Variants in DCC observed in about 807,000 individuals in gnomAD.
The protein encoded by DCC is DCC netrin 1 receptor.
A neutral mutation model predicts 172.5 loss-of-function variants in DCC; 58 were observed. The ratio of observed to expected loss-of-function variants is 0.34; its 90% CI spans 0.27 to 0.42. DCC has a LOEUF of 0.42. DCC is among the 10% of genes least tolerant of loss of function. The pLI, the probability that DCC is intolerant of heterozygous loss-of-function variation, is 1.00. For synonymous variants in DCC, 709 were observed against 644.5 expected (o/e 1.10, Z -1.52); for missense variants, 1,740 against 1,791.0 (o/e 0.97, Z 0.51).
At chr18:52,989,043 C>G (rs2041339574) in intron 5 of DCC, among the ~76,000 whole-genome samples, 1 of 151,794 alleles carries the variant, frequency 6.6e-6, no homozygotes, top group Non-Finnish European at 1.5e-5. Flanking sequence ...TATTTGAAAT[C>G]TCTTTAAATG....
At chr18:52,432,067 C>T (rs535270672) in intron 1 of DCC, among the ~76,000 whole-genome samples, 1 of 152,190 alleles carries the variant, frequency 6.6e-6, no homozygotes, top group African/African-American at 2.4e-5. Context: ...CCACTTTTAT[C>T]TTCTTTCCCT....
chr18:53,514,947 T>A (rs1009805331), intron 27 of DCC, among the ~76,000 whole-genome samples: 5 of 151,074 alleles, frequency 3.3e-5, no homozygotes, highest in African/African-American at 9.7e-5. Flanking sequence ...TAACTCATTT[T>A]ATGAGGCCAG....
chr18:53,414,709 G>T (rs867524269), intron 20 of DCC, among the ~76,000 whole-genome samples: 1 of 152,062 alleles, frequency 6.6e-6, no homozygotes, highest in Non-Finnish European at 1.5e-5. Context: ...TTAGCCAGGC[G>T]TGGTGGCACA....
intron 15 of DCC, among the ~76,000 whole-genome samples, chr18:53,347,226 A>C (rs1300631827): frequency 2.0e-5 from 3 of 152,122 alleles, no homozygotes; most frequent in Non-Finnish European, 4.4e-5. Context: ...CATACTGCAA[A>C]ATTTTCTTGG....
At chr18:52,943,119 T>C (rs1464283873) in intron 5 of DCC, among the ~76,000 whole-genome samples, 1 of 152,220 alleles carries the variant, frequency 6.6e-6, no homozygotes, top group Admixed American at 6.5e-5. Flanking sequence ...ATATAGTTTT[T>C]GTTTTAATTT....
intron 1 of DCC, among the ~76,000 whole-genome samples, chr18:52,656,036 G>GTGTGTATATATATGTATATA (rs1568277686): frequency 7.9e-5 from 11 of 139,200 alleles, no homozygotes; most frequent in African/African-American, 3.0e-4. Flanking sequence ...ATGTATATAT[G>GTGTGTATATATATGTATATA]TGTGTATATA....
At chr18:52,867,126 A>G (rs1159183482) in intron 2 of DCC, among the ~76,000 whole-genome samples, 1 of 152,142 alleles carries the variant, frequency 6.6e-6, no homozygotes, top group Non-Finnish European at 1.5e-5. Context: ...TTCAGCATCT[A>G]TTGAGATAAT....
At chr18:52,450,660 C>T (rs1269629849) in intron 1 of DCC, among the ~76,000 whole-genome samples, 2 of 152,132 alleles carry the variant, frequency 1.3e-5, no homozygotes, top group Non-Finnish European at 2.9e-5. Context: ...ATACAAGCCT[C>T]AGGAAGATAG....
chr18:52,600,015 T>G lies in DCC; in HGVS notation c.92-152039T>G, dbSNP rs548209129. Reference sequence around the variant, plus strand: ...ATTTATGTAATGGATAACAGTCATATTCTCAACCTTTTCAAATGAGTTTTG... The same window carrying G: ...ATTTATGTAATGGATAACAGTCATAGTCTCAACCTTTTCAAATGAGTTTTG... On this transcript the variant is annotated intron_variant, in intron 1 of 28. Transcript: ENST00000442544. Among the ~76,000 whole-genome samples the G allele has an allele frequency of 3.9e-5, 6 of 152,346 alleles. No homozygotes were observed. The East Asian group carries it at 1.2e-3, about 29-fold the overall frequency.
rs1475690069 is a variant in DCC, at chr18:53,435,130, C to T, written c.3164-14C>T. On this transcript the variant is annotated splice_polypyrimidine_tract_variant and intron_variant, in intron 21 of 28. Coordinates refer to ENST00000442544, the MANE Select transcript of DCC (RefSeq NM_005215.4). Reference sequence around the variant, plus strand: ...ATTTGTACTGACATTGTGACATGCTCTCCCAATGAACAGGTCGTCATGGAG... The same window carrying T: ...ATTTGTACTGACATTGTGACATGCTTTCCCAATGAACAGGTCGTCATGGAG... 6.3e-6 allele frequency: 10 copies of T among 1,592,658 alleles called. No homozygotes were observed. Among genetic ancestry groups the T allele is most frequent in the Non-Finnish European group, 8.6e-6 (10 of 1,160,542 alleles).
chr18:53,443,654 G>A (rs542205014), intron 22 of DCC, among the ~76,000 whole-genome samples: 1 of 152,306 alleles, frequency 6.6e-6, no homozygotes, highest in East Asian at 1.9e-4. Flanking sequence ...GATTTCCTCT[G>A]ATGGATCTGA....
chr18:53,462,909 T>G (rs1490473308), intron 24 of DCC, among the ~76,000 whole-genome samples: 1 of 152,212 alleles, frequency 6.6e-6, no homozygotes, highest in Non-Finnish European at 1.5e-5. Flanking sequence ...CCAGACCCAA[T>G]GGTGAGAGAG....
At chr18:52,522,602 C>T (rs903839924) in intron 1 of DCC, among the ~76,000 whole-genome samples, 1 of 152,150 alleles carries the variant, frequency 6.6e-6, no homozygotes, top group Non-Finnish European at 1.5e-5. Context: ...AATTGGCAAC[C>T]TTTCTCTAAG....
Position 52,925,300 on chromosome 18 carries a change from T to A in DCC, c.915T>A (p.Ser305Arg). 1 of 1,612,434 alleles carries A rather than the reference T, an allele frequency of 6.2e-7. No homozygotes were observed. The highest frequency in any genetic ancestry group is 8.5e-7 in the Non-Finnish European group (1 of 1,178,660). ...LLISNVTDDD[S>R]GMYTCVVTYK... The stretch of plus-strand genomic sequence containing the variant: ...TCTCCAATGTGACAGATGATGACAG[T>A]GGAATGTATACCTGTGTTGTCACAT... Residue 305 changes from serine (S) to arginine (R), a missense_variant, in exon 5 of 29, where the codon AGT (serine) becomes AGA (arginine). This residue lies in a region of DCC where 1,732 missense variants were observed against 1,767.4 expected (regional missense o/e 0.98). Coordinates refer to ENST00000442544, the MANE Select transcript of DCC (RefSeq NM_005215.4).
intron 7 of DCC, among the ~76,000 whole-genome samples, chr18:53,117,923 G>A (rs2144277367): frequency 6.6e-6 from 1 of 151,794 alleles, no homozygotes; most frequent in Non-Finnish European, 1.5e-5. Context: ...ATTTAAAAAT[G>A]TAAACATTCT....
At chr18:52,855,646 G>T (rs2039039952) in intron 2 of DCC, among the ~76,000 whole-genome samples, 1 of 152,062 alleles carries the variant, frequency 6.6e-6, no homozygotes, top group South Asian at 2.1e-4. Context: ...CTTGTACCTT[G>T]CACAGTTAAA....
At chr18:53,094,725 A>G (rs1213647871) in intron 7 of DCC, among the ~76,000 whole-genome samples, 2 of 152,222 alleles carry the variant, frequency 1.3e-5, no homozygotes, top group African/African-American at 4.8e-5. Context: ...TCTACTCTGA[A>G]TGTCTCCAGT....
At chr18:53,437,961 G>C (rs1168167970) in intron 22 of DCC, among the ~76,000 whole-genome samples, 1 of 152,168 alleles carries the variant, frequency 6.6e-6, no homozygotes. Context: ...GAAAGAGGAT[G>C]AGAAAATCCC....
intron 12 of DCC, among the ~76,000 whole-genome samples, chr18:53,283,951 A>G (rs2056904361): frequency 6.6e-6 from 1 of 152,218 alleles, no homozygotes; most frequent in South Asian, 2.1e-4. Context: ...TGTGATAAAC[A>G]CTATGATGAA....
Sources: gnomAD v4.1 joint callset for allele counts (sites outside exome capture counted in the v4.1 genomes callset) on GRCh38, gnomAD v4.1.1 for gene constraint, gnomAD v4.1.1 regional missense constraint, MANE v1.5 for transcripts, NCBI Gene and HGNC (gene_info 2026-07-23, HGNC 2026-07-21) for gene names.